Variants in RBPMS observed in about 807,000 individuals in gnomAD.
RBPMS encodes the protein RNA-binding protein with multiple splicing.
RBPMS carries 7 observed loss-of-function variants against 26.8 expected under a neutral mutation model. The ratio of observed to expected loss-of-function variants is 0.26; its 90% confidence interval spans 0.15 to 0.49. The LOEUF is 0.49. RBPMS is among the 20% of genes least tolerant of loss of function. RBPMS has a pLI of 0.98. For missense variants in RBPMS, 186 were observed against 250.0 expected (o/e 0.74, Z 1.73); for synonymous variants, 96 against 93.3 (o/e 1.03, Z -0.17).
intron 1 of RBPMS, among the ~76,000 whole-genome samples, chr8:30,465,590 C>T (rs1816408125): frequency 6.6e-6 from 1 of 152,110 alleles, no homozygotes; most frequent in Non-Finnish European, 1.5e-5. Flanking sequence ...AGTTTGAGAC[C>T]AGCCTGGCCA....
chr8:30,385,839 A>G (rs896756631), intron 1 of RBPMS, among the ~76,000 whole-genome samples: 2 of 152,192 alleles, frequency 1.3e-5, no homozygotes, highest in Non-Finnish European at 2.9e-5. Flanking sequence ...ACTTCTGAGC[A>G]TGCATTTTAG....
intron 1 of RBPMS, among the ~76,000 whole-genome samples, chr8:30,459,225 G>A (rs751930305): frequency 2.6e-5 from 4 of 151,894 alleles, no homozygotes; most frequent in East Asian, 1.9e-4. Context: ...GCCTCCCAAA[G>A]TGCTTGGATT....
intron 4 of RBPMS, among the ~76,000 whole-genome samples, chr8:30,480,326 C>T (rs145643451): frequency 6.6e-6 from 1 of 152,276 alleles, no homozygotes; most frequent in Non-Finnish European, 1.5e-5. Flanking sequence ...GTACCCCTGG[C>T]AGCTGCTCCT....
chr8:30,478,473 T>G (rs1043166191), intron 3 of RBPMS, among the ~76,000 whole-genome samples: 2 of 152,042 alleles, frequency 1.3e-5, no homozygotes, highest in Non-Finnish European at 2.9e-5. Flanking sequence ...TTTCTGTATT[T>G]ACTCAGAACA....
intron 1 of RBPMS, among the ~76,000 whole-genome samples, chr8:30,423,349 C>G (rs1174917620): frequency 6.6e-6 from 1 of 152,140 alleles, no homozygotes; most frequent in Non-Finnish European, 1.5e-5. Context: ...GCTTGAAGAC[C>G]TGTCTGGCAG....
chr8:30,462,108 G>A (rs911769026), intron 1 of RBPMS, among the ~76,000 whole-genome samples: 1 of 152,146 alleles, frequency 6.6e-6, no homozygotes, highest in Non-Finnish European at 1.5e-5. Flanking sequence ...GTGTGAACAT[G>A]AGTTTTTATT....
intron 4 of RBPMS, among the ~76,000 whole-genome samples, chr8:30,493,132 T>C (rs1438308195): frequency 1.3e-5 from 2 of 152,230 alleles, no homozygotes; most frequent in African/African-American, 2.4e-5. Context: ...GTGACCGACA[T>C]CAGACTGGAA....
At chr8:30,546,109 G>A (rs886991188) in intron 6 of RBPMS, among the ~76,000 whole-genome samples, 2 of 152,140 alleles carry the variant, frequency 1.3e-5, no homozygotes, top group African/African-American at 2.4e-5. Flanking sequence ...AGCAGGCTGC[G>A]GATAAATATG....
At chr8:30,470,749 C>T (rs1055001341) in intron 1 of RBPMS, among the ~76,000 whole-genome samples, 1 of 152,162 alleles carries the variant, frequency 6.6e-6, no homozygotes, top group Non-Finnish European at 1.5e-5. Context: ...AAATGCCAAA[C>T]ATCTGATCTG....
chr8:30,510,461 G>A (rs540883754), intron 5 of RBPMS, among the ~76,000 whole-genome samples: 68 of 151,166 alleles, frequency 4.5e-4, no homozygotes, highest in Non-Finnish European at 9.3e-4. Flanking sequence ...GGCGTGCTTG[G>A]CTCTAAAACT....
At chr8:30,436,892 C>CGTAA (rs1812512049) in intron 1 of RBPMS, among the ~76,000 whole-genome samples, 1 of 150,708 alleles carries the variant, frequency 6.6e-6, no homozygotes, top group Non-Finnish European at 1.5e-5. Flanking sequence ...TGAACCTTTA[C>CGTAA]GTGTTTACAC....
At chr8:30,490,733 T>TA (rs1281438069) in intron 4 of RBPMS, among the ~76,000 whole-genome samples, 10 of 152,096 alleles carry the variant, frequency 6.6e-5, no homozygotes, top group Admixed American at 6.6e-4. Flanking sequence ...CCAACTGACT[T>TA]AGAGTTTATA....
intron 1 of RBPMS, among the ~76,000 whole-genome samples, chr8:30,393,410 A>T (rs775463517): frequency 1.5e-4 from 23 of 152,202 alleles, no homozygotes; most frequent in Non-Finnish European, 2.5e-4. Context: ...TTTACAGGAA[A>T]AAATTTCTAA....
chr8:30,386,546 T>C (rs750320830), intron 1 of RBPMS, among the ~76,000 whole-genome samples: 13 of 152,248 alleles, frequency 8.5e-5, no homozygotes, highest in Admixed American at 1.3e-4. Context: ...TGTTTTCTAA[T>C]TACAATTGTA....
At chr8:30,506,053 G>A (rs563823474) in intron 5 of RBPMS, among the ~76,000 whole-genome samples, 4 of 152,202 alleles carry the variant, frequency 2.6e-5, no homozygotes, top group African/African-American at 9.6e-5. Context: ...ACAGGACCAC[G>A]AAACTTTTTC....
chr8:30,522,754 A>G (rs779301276), intron 5 of RBPMS, among the ~76,000 whole-genome samples: 2 of 152,162 alleles, frequency 1.3e-5, no homozygotes, highest in Admixed American at 6.6e-5. Context: ...TCATTTCTCA[A>G]TTAGGTGATT....
At chr8:30,507,708 T>C (rs1040375807) in intron 5 of RBPMS, among the ~76,000 whole-genome samples, 7 of 152,308 alleles carry the variant, frequency 4.6e-5, no homozygotes, top group African/African-American at 1.7e-4. Flanking sequence ...TACATTAAAT[T>C]CTCTTAGATT....
chr8:30,484,768 C>A (rs968222067), intron 4 of RBPMS, among the ~76,000 whole-genome samples: 2 of 152,130 alleles, frequency 1.3e-5, no homozygotes, highest in African/African-American at 4.8e-5. Flanking sequence ...CTGATATGAT[C>A]AGGAAAACTT....
chr8:30,512,317 A>G (rs1351796632), intron 5 of RBPMS, among the ~76,000 whole-genome samples: 1 of 152,202 alleles, frequency 6.6e-6, no homozygotes, highest in Non-Finnish European at 1.5e-5. Context: ...GCATTTATAC[A>G]TACTGTATAA....
Sources: allele counts gnomAD v4.1 joint callset (sites outside exome capture counted in the v4.1 genomes callset), GRCh38; gene constraint gnomAD v4.1.1; transcripts MANE v1.5; gene names NCBI Gene and HGNC (gene_info 2026-07-23, HGNC 2026-07-21).